IKZF1: variants seen among roughly 807,000 people sequenced by gnomAD.
The protein encoded by IKZF1 is IKAROS family zinc finger 1, also known as DNA-binding protein Ikaros.
IKZF1 carries 10 observed loss-of-function variants against 51.7 expected under a neutral mutation model. That is an observed-to-expected ratio of 0.19 (90% CI 0.12 to 0.33). The LOEUF is 0.33. Among genes scored for constraint, IKZF1 ranks in the 10% least tolerant of loss-of-function variants. IKZF1 has a pLI of 1.00. For missense variants in IKZF1, 484 were observed against 707.5 expected (o/e 0.68, Z 3.58); for synonymous variants, 280 against 282.3 (o/e 0.99, Z 0.08).
rs189903579 is a variant in IKZF1, at chr7:50,395,632, T to C, written c.850+3769T>C. On this transcript the variant is annotated intron_variant, in intron 7 of 7. Transcript: ENST00000331340. ...ATCATAATTCATAGTAGTTTAGTTA[T>C]TTATTACTAACTCTATTTAAATAGA... is the stretch of plus-strand genomic sequence containing the variant. 3.9e-4 allele frequency among the ~76,000 whole-genome samples: 59 copies of C among 152,342 alleles called. No individual in the cohort carries two copies. In the East Asian group the frequency reaches 8.7e-3, roughly 22 times the overall value.
chr7:50,400,387 C>A lies in IKZF1; in HGVS notation c.1320C>A (p.Ala440=). 6.2e-7 allele frequency: 1 copy of A among 1,613,266 alleles called. No homozygotes were observed. The highest frequency in any genetic ancestry group is 8.5e-7 in the Non-Finnish European group (1 of 1,179,778). The change falls in exon 8 of 8, where the codon GCC becomes GCA. Residue 440 remains alanine, a synonymous_variant. Coordinates refer to ENST00000331340, the MANE Select transcript of IKZF1 (RefSeq NM_006060.6). This position sits in a 1 kb window ranked among gnomAD's most constrained non-coding sequence, Gnocchi z 5.4. ...ACCGCGCCTACGACCTGCTGCGCGC[C>A]GCCTCCGAGAACTCGCAGGACGCGC... The part of the protein sequence containing the change: ...EEHRAYDLLR[A]ASENSQDALR...
At chr7:50,313,459 G>C (rs1392583345) in intron 1 of IKZF1, among the ~76,000 whole-genome samples, 1 of 152,208 alleles carries the variant, frequency 6.6e-6, no homozygotes, top group Non-Finnish European at 1.5e-5. Flanking sequence ...GATGAAATTT[G>C]CCTTTAGTGC....
Position 50,376,634 on chromosome 7 carries a change from T to C in IKZF1, c.262T>C (p.Ser88Pro). The change falls in exon 4 of 8, where the codon TCG (serine) becomes CCG (proline). Residue 88 changes from serine (S) to proline (P), a missense_variant. Physicochemically the swap from Ser to Pro is moderately conservative, Grantham distance 74. Transcript: ENST00000331340. This position sits in a 1 kb window ranked among gnomAD's most constrained non-coding sequence, Gnocchi z 4.5. ...GGAGGATTTACGAATGCTTGATGCCTCGGGAGAGAAAATGAATGGCTCCCA... is the reference window on the plus strand; with the variant it reads ...GGAGGATTTACGAATGCTTGATGCCCCGGGAGAGAAAATGAATGGCTCCCA... Reference protein sequence around the residue: ...CAEDLRMLDASGEKMNGSHRD... With the variant: ...CAEDLRMLDAPGEKMNGSHRD... 1 of 1,614,016 alleles carries C rather than the reference T, an allele frequency of 6.2e-7. No individual in the cohort carries two copies. The highest frequency in any genetic ancestry group is 8.5e-7 in the Non-Finnish European group (1 of 1,179,898).
At chr7:50,325,730 G>A (rs189379369) in intron 2 of IKZF1, among the ~76,000 whole-genome samples, 45 of 151,770 alleles carry the variant, frequency 3.0e-4, no homozygotes, top group East Asian at 7.8e-4. Flanking sequence ...AGCCAAGATC[G>A]CGCCACTGCA....
At chr7:50,319,818 GC>G (rs1371473434) in intron 2 of IKZF1, among the ~76,000 whole-genome samples, 3 of 152,210 alleles carry the variant, frequency 2.0e-5, no homozygotes, top group Non-Finnish European at 4.4e-5. Flanking sequence ...CTCACAGCCA[GC>G]CCCAGAGGCT....
At chr7:50,323,902 T>C (rs764213092) in intron 2 of IKZF1, among the ~76,000 whole-genome samples, 5 of 152,242 alleles carry the variant, frequency 3.3e-5, no homozygotes, top group African/African-American at 4.8e-5. Flanking sequence ...ATCATGCTTT[T>C]CAGCCTCCTT....
At chr7:50,387,493 C>T in intron 6 of IKZF1, 23 bp downstream of exon 6, 1 of 1,595,998 alleles carries the variant, frequency 6.3e-7, no homozygotes, top group Non-Finnish European at 8.5e-7. Flanking sequence ...GCTCGGAGGC[C>T]AGCCTGGTGG....
intron 1 of IKZF1, chr7:50,308,633 C>T (rs1340416013): frequency 1.3e-5 from 2 of 152,274 alleles, no homozygotes; most frequent in African/African-American, 2.4e-5. Context: ...AGGCTCCCTT[C>T]CTGTCTGTGT....
At chr7:50,325,084 G>A (rs774542894) in intron 2 of IKZF1, among the ~76,000 whole-genome samples, 2 of 152,056 alleles carry the variant, frequency 1.3e-5, no homozygotes, top group African/African-American at 4.8e-5. Flanking sequence ...AGCATGTCAG[G>A]CCAGAAGGCT....
rs773391882 is a variant in IKZF1 at position 50,387,467 on chromosome 7, C to T, written c.712C>T (p.Pro238Ser). Residue 238 changes from proline to serine, a missense_variant, in exon 6 of 8, where the codon CCA (proline) becomes TCA (serine). Pro to Ser is a moderately conservative substitution (Grantham distance 74). Coordinates refer to ENST00000331340, the MANE Select transcript of IKZF1 (RefSeq NM_006060.6). ...ESMGLPGTLYPVIKEETNHSE... is the reference protein window; with the variant it reads ...ESMGLPGTLYSVIKEETNHSE... ...CATGGGCCTTCCGGGCACACTGTACCCAGGTAAGCGCTGCTGCTCGGAGGC... is the reference window on the plus strand; with the variant it reads ...CATGGGCCTTCCGGGCACACTGTACTCAGGTAAGCGCTGCTGCTCGGAGGC... The T allele has an allele frequency of 6.2e-7, 1 of 1,609,508 alleles. No individual in the cohort carries two copies. Among genetic ancestry groups the T allele is most frequent in the Non-Finnish European group, 8.5e-7 (1 of 1,178,188 alleles).
At chr7:50,348,863 C>T (rs1035064277) in intron 3 of IKZF1, among the ~76,000 whole-genome samples, 2 of 152,184 alleles carry the variant, frequency 1.3e-5, no homozygotes, top group Non-Finnish European at 2.9e-5. Flanking sequence ...GCCCCACTGG[C>T]CGTGGGGCAG....
At chr7:50,355,528 T>G (rs1323760851) in intron 3 of IKZF1, among the ~76,000 whole-genome samples, 1 of 152,200 alleles carries the variant, frequency 6.6e-6, no homozygotes, top group Non-Finnish European at 1.5e-5. Context: ...CTGGGCTGCG[T>G]GCTAAGAGGC....
At chr7:50,308,216 C>T (rs1020567918) in intron 1 of IKZF1, among the ~76,000 whole-genome samples, 4 of 152,148 alleles carry the variant, frequency 2.6e-5, no homozygotes, top group African/African-American at 4.8e-5. Context: ...TTTTAAGTGG[C>T]GAAGTGCGGG....
At chr7:50,348,341 G>A (rs1800914686) in intron 3 of IKZF1, among the ~76,000 whole-genome samples, 2 of 152,190 alleles carry the variant, frequency 1.3e-5, no homozygotes, top group South Asian at 2.1e-4. Context: ...GAAGGAGAGG[G>A]GCGTTTGTTG....
intron 7 of IKZF1, among the ~76,000 whole-genome samples, chr7:50,397,898 C>T (rs1350245132): frequency 6.6e-6 from 1 of 152,072 alleles, no homozygotes; most frequent in African/African-American, 2.4e-5. Context: ...CCACTTCTGA[C>T]CACCAGTAGA....
intron 3 of IKZF1, among the ~76,000 whole-genome samples, chr7:50,352,197 T>C (rs1802036816): frequency 6.6e-6 from 1 of 152,200 alleles, no homozygotes; most frequent in South Asian, 2.1e-4. Context: ...GTCCTGAACC[T>C]CACTTCTGAA....
intron 3 of IKZF1, among the ~76,000 whole-genome samples, chr7:50,347,459 G>A (rs546567095): frequency 6.6e-6 from 1 of 152,238 alleles, no homozygotes; most frequent in African/African-American, 2.4e-5. Flanking sequence ...TAAAGTCAAA[G>A]TCATACTCTT....
chr7:50,346,056 CT>C (rs1800282352), intron 3 of IKZF1, among the ~76,000 whole-genome samples: 1 of 152,254 alleles, frequency 6.6e-6, no homozygotes, highest in African/African-American at 2.4e-5. Context: ...GCAATAGCTT[CT>C]GTCTGCATGT....
At position 50,304,776 on chromosome 7, in the gene IKZF1, T is replaced by C. The variant is rs1788363597; in HGVS notation, c.-161T>C. 2.0e-5 allele frequency: 3 copies of C among 151,986 alleles called. No homozygotes were observed. The South Asian group carries it at 6.2e-4, about 32-fold the overall frequency. 9.4% of individuals were successfully genotyped at this position (151,986 alleles called of 1,614,324 possible). ...CGGTGACTGCGGCAAGCCCCCTGGG[T>C]CCCCGCGCGGCGCATCCCAGCCTGG... On this transcript the variant is annotated 5_prime_UTR_variant, in exon 1 of 8. Transcript: ENST00000331340.
Sources: gnomAD v4.1 joint callset for allele counts (sites outside exome capture counted in the v4.1 genomes callset) on GRCh38, gnomAD v4.1.1 for gene constraint, Gnocchi (gnomAD v3.1) non-coding constraint, MANE v1.5 for transcripts, NCBI Gene and HGNC (gene_info 2026-07-23, HGNC 2026-07-21) for gene names.